Variants in SEMA3C observed in about 807,000 individuals in gnomAD.
SEMA3C encodes the protein semaphorin-3C.
SEMA3C carries 47 observed loss-of-function variants against 89.4 expected under a neutral mutation model. That is an observed-to-expected ratio of 0.53 (90% CI 0.42 to 0.67). The LOEUF (loss-of-function observed/expected upper bound fraction) is 0.67, where lower values mean the gene tolerates loss of function less well. Among genes scored for constraint, SEMA3C ranks in the 30% least tolerant of loss-of-function variants. SEMA3C has a pLI of 0.00. For missense variants in SEMA3C, 839 were observed against 929.1 expected (o/e 0.90, Z 1.26); for synonymous variants, 310 against 320.2 (o/e 0.97, Z 0.34).
chr7:80,847,999 C>T (rs1790429133), intron 2 of SEMA3C, among the ~76,000 whole-genome samples: 1 of 152,172 alleles, frequency 6.6e-6, no homozygotes, highest in South Asian at 2.1e-4. Flanking sequence ...ACTTTGAATG[C>T]TTTCAGATTT....
At chr7:80,874,221 C>T (rs1373691628) in intron 2 of SEMA3C, among the ~76,000 whole-genome samples, 2 of 152,148 alleles carry the variant, frequency 1.3e-5, no homozygotes, top group African/African-American at 4.8e-5. Context: ...CTGCTCCTAA[C>T]AACCCCAACA....
At chr7:80,812,575 T>C (rs1789492654) in intron 5 of SEMA3C, among the ~76,000 whole-genome samples, 1 of 152,150 alleles carries the variant, frequency 6.6e-6, no homozygotes, top group Non-Finnish European at 1.5e-5. Context: ...GTTGTTTAGG[T>C]ACCATTTGCT....
Position 80,765,200 on chromosome 7 carries a change from G to A in SEMA3C, c.1398C>T (p.Asn466=), listed in dbSNP as rs1245026268. 3 of 1,613,752 alleles carry A rather than the reference G, an allele frequency of 1.9e-6. No homozygotes were observed. The highest frequency in any genetic ancestry group is 1.3e-5 in the African/African-American group (1 of 74,972). Residue 466 remains asparagine (N), a synonymous_variant, in exon 13 of 18, where the codon AAC becomes AAT. Transcript: ENST00000265361. ...VQKVVVLPTN[N]SVSGELILEE... ...CCAGAATGAGCTCGCCACTGACAGA[G>A]TTGTTAGTAGGAAGAACAACCACTT...
At chr7:80,779,289 T>A (rs1304132659) in intron 12 of SEMA3C, among the ~76,000 whole-genome samples, 1 of 152,164 alleles carries the variant, frequency 6.6e-6, no homozygotes, top group Non-Finnish European at 1.5e-5. Context: ...AGTGATCAAT[T>A]TAGACTCTCA....
At chr7:80,859,275 C>CT (rs1790716707) in intron 2 of SEMA3C, among the ~76,000 whole-genome samples, 1 of 152,074 alleles carries the variant, frequency 6.6e-6, no homozygotes. Context: ...ATTTATATAA[C>CT]TTTTTGTTTT....
At chr7:80,760,039 G>A (rs1183311620) in intron 14 of SEMA3C, among the ~76,000 whole-genome samples, 1 of 152,054 alleles carries the variant, frequency 6.6e-6, no homozygotes, top group East Asian at 1.9e-4. Flanking sequence ...AAAAATAAGA[G>A]AGCATAAGAT....
At chr7:80,849,288 C>T (rs1790457347) in intron 2 of SEMA3C, among the ~76,000 whole-genome samples, 1 of 151,054 alleles carries the variant, frequency 6.6e-6, no homozygotes, top group African/African-American at 2.4e-5. Context: ...CAAGTAGCAA[C>T]ACTAAGTTTT....
At chr7:80,746,667 T>C (rs1004725816) in intron 17 of SEMA3C, among the ~76,000 whole-genome samples, 4 of 150,742 alleles carry the variant, frequency 2.7e-5, no homozygotes, top group Non-Finnish European at 5.9e-5. Context: ...GATGGAATAT[T>C]ATGCAGCCAG....
In SEMA3C at chr7:80,776,188, GTTA is replaced by G. The variant is rs549783156; in HGVS notation, c.1355-10948_1355-10946del. ...GCTCTACAAAGGTTCTCTTTTTGCA[GTTA>G]TTAATAGCCCTCAGGAGTAGATAAC... On this transcript the variant is annotated intron_variant, in intron 12 of 17. Coordinates refer to ENST00000265361, the MANE Select transcript of SEMA3C (RefSeq NM_006379.5). Among the ~76,000 whole-genome samples the G allele has an allele frequency of 7.3e-3, 1,109 of 151,054 alleles. 10 individuals carry two copies. The highest frequency in any genetic ancestry group is 0.012 in the Non-Finnish European group (787 of 67,844).
intron 2 of SEMA3C, among the ~76,000 whole-genome samples, chr7:80,851,856 C>T (rs1790521083): frequency 6.6e-6 from 1 of 152,048 alleles, no homozygotes; most frequent in Non-Finnish European, 1.5e-5. Context: ...AAATGTGGTA[C>T]ATTTTCATGA....
Position 80,748,948 on chromosome 7 carries a change from G to T in SEMA3C, c.1792C>A (p.Gln598Lys), listed in dbSNP as rs762915331. 6.2e-7 allele frequency: 1 copy of T among 1,613,396 alleles called. No individual in the cohort carries two copies. Among genetic ancestry groups the T allele is most frequent in the Admixed American group, 1.7e-5 (1 of 59,902 alleles). Residue 598 changes from glutamine (Q) to lysine (K), a missense_variant, in exon 17 of 18, where the codon CAG becomes AAG. Gln to Lys is a moderately conservative substitution (Grantham distance 53). Coordinates refer to ENST00000265361, the MANE Select transcript of SEMA3C (RefSeq NM_006379.5). ...TGTAACAGCCACTTGATAGATGCCT[G>T]CGGAGACTTGGGGGCACACTCCAGA... is the stretch of plus-strand genomic sequence containing the variant. The part of the protein sequence containing the change: ...TFLECAPKSP[Q>K]ASIKWLLQKD...
intron 2 of SEMA3C, among the ~76,000 whole-genome samples, chr7:80,844,738 ATG>A (rs952163539): frequency 2.0e-5 from 3 of 152,148 alleles, no homozygotes; most frequent in Non-Finnish European, 2.9e-5. Flanking sequence ...AATTAAAATG[ATG>A]TGTTTCTGGC....
intron 12 of SEMA3C, among the ~76,000 whole-genome samples, chr7:80,779,050 A>G (rs1041200515): frequency 3.9e-5 from 6 of 152,162 alleles, no homozygotes; most frequent in Non-Finnish European, 8.8e-5. Context: ...CTCCAGCTCC[A>G]GCACAGTGCT....
At chr7:80,804,048 T>G in intron 8 of SEMA3C, 58 bp downstream of exon 8, 1 of 1,479,348 alleles carries the variant, frequency 6.8e-7, no homozygotes. Flanking sequence ...AGCACGGAGA[T>G]AAACCATAAT....
intron 5 of SEMA3C, 142 bp from the exon 6 acceptor site, chr7:80,810,843 G>A (rs1227648803): frequency 4.7e-6 from 3 of 642,130 alleles, no homozygotes; most frequent in Non-Finnish European, 8.2e-6. Context: ...ACTACATTAA[G>A]ATTTACTCAA....
intron 2 of SEMA3C, among the ~76,000 whole-genome samples, chr7:80,831,297 T>C (rs1790003995): frequency 1.3e-5 from 2 of 152,194 alleles, no homozygotes; most frequent in African/African-American, 2.4e-5. Flanking sequence ...CTAGTGTCCT[T>C]ATCTTTAAAA....
intron 2 of SEMA3C, among the ~76,000 whole-genome samples, chr7:80,855,279 A>T (rs960488514): frequency 6.6e-6 from 1 of 152,054 alleles, no homozygotes; most frequent in Admixed American, 6.5e-5. Flanking sequence ...ACATATGAAA[A>T]TTATTATTAT....
At chr7:80,844,803 T>G (rs1468870545) in intron 2 of SEMA3C, among the ~76,000 whole-genome samples, 1 of 152,156 alleles carries the variant, frequency 6.6e-6, no homozygotes, top group Non-Finnish European at 1.5e-5. Flanking sequence ...ACTCTGTCAG[T>G]GCAAACTCGA....
intron 2 of SEMA3C, among the ~76,000 whole-genome samples, chr7:80,895,941 T>C (rs1332312362): frequency 2.0e-5 from 3 of 152,112 alleles, no homozygotes; most frequent in African/African-American, 7.2e-5. Flanking sequence ...TGAATAAAAT[T>C]TGTAGTTGCT....
Sources: allele counts gnomAD v4.1 joint callset (sites outside exome capture counted in the v4.1 genomes callset), GRCh38; gene constraint gnomAD v4.1.1; transcripts MANE v1.5; gene names NCBI Gene and HGNC (gene_info 2026-07-23, HGNC 2026-07-21).